Variants in MGAT5B observed in about 807,000 individuals in gnomAD.
MGAT5B encodes the protein alpha-1,6-mannosylglycoprotein 6-beta-N-acetylglucosaminyltransferase B, also known as N-acetylglucosaminyl-transferase Vb.
A neutral mutation model predicts 95.1 loss-of-function variants in MGAT5B; 54 were observed. The observed-to-expected ratio is 0.57, with a 90% CI of 0.46 to 0.71. The LOEUF (loss-of-function observed/expected upper bound fraction) is 0.71, where lower values mean the gene tolerates loss of function less well. MGAT5B is among the 30% of genes least tolerant of loss of function. The pLI is 0.00. For synonymous variants in MGAT5B, 464 were observed against 451.0 expected (o/e 1.03, Z -0.36); for missense variants, 935 against 1,088.6 (o/e 0.86, Z 1.99).
intron 8 of MGAT5B, among the ~76,000 whole-genome samples, chr17:76,920,074 G>C (rs1469553832): frequency 1.3e-5 from 2 of 152,052 alleles, no homozygotes; most frequent in African/African-American, 4.8e-5. Context: ...TCTGGCCTGG[G>C]GACACTCAGA....
intron 10 of MGAT5B, among the ~76,000 whole-genome samples, chr17:76,929,222 G>A (rs79034810): frequency 0.18 from 27,520 of 152,092 alleles, 2,787 homozygotes; most frequent in East Asian, 0.42. Context: ...GGCCAAAGAT[G>A]ATGAAGCAGG....
chr17:76,880,014 C>T (rs1004830124), intron 2 of MGAT5B, among the ~76,000 whole-genome samples: 4 of 152,120 alleles, frequency 2.6e-5, no homozygotes, highest in Non-Finnish European at 5.9e-5. Flanking sequence ...ATTTCCCGGT[C>T]CCAGCTGAGT....
intron 10 of MGAT5B, among the ~76,000 whole-genome samples, chr17:76,932,066 T>TTCCTCC (rs1358129738): frequency 1.5e-5 from 2 of 137,584 alleles, no homozygotes; most frequent in Non-Finnish European, 1.5e-5. Flanking sequence ...TCCTCCTTTT[T>TTCCTCC]TCCTCCTCCT....
chr17:76,911,623 T>A (rs192373100), intron 8 of MGAT5B, among the ~76,000 whole-genome samples: 8 of 152,330 alleles, frequency 5.3e-5, no homozygotes, highest in Admixed American at 5.2e-4. Flanking sequence ...GGGCATTGCA[T>A]TGGTCCCCAT....
At chr17:76,904,161 C>A in intron 5 of MGAT5B, 91 bp from the exon 6 acceptor site, 2 of 1,342,572 alleles carry the variant, frequency 1.5e-6, no homozygotes, top group Non-Finnish European at 2.0e-6. Context: ...CCATCCTTGA[C>A]CTCAGGACCC....
At position 76,916,424 on chromosome 17, in the gene MGAT5B, A is replaced by G. The variant is rs11651556; in HGVS notation, c.1026-8542A>G. On this transcript the variant is annotated intron_variant, in intron 8 of 17. Transcript: ENST00000569840. The surrounding 1 kb of genome is among the most constrained non-coding windows in gnomAD (Gnocchi z 5.3). ...TGGGGAGGGCTGCAAGGGAAGACTC[A>G]TGGAAATGACGTCGCTGGCCCTCAT... is the stretch of plus-strand genomic sequence containing the variant. 0.21 allele frequency among the ~76,000 whole-genome samples: 31,745 copies of G among 152,192 alleles called. 3,801 individuals carry two copies. The highest frequency in any genetic ancestry group is 0.5 in the East Asian group (2,567 of 5,152).
intron 2 of MGAT5B, among the ~76,000 whole-genome samples, chr17:76,878,920 A>C (rs888808289): frequency 5.9e-5 from 9 of 152,284 alleles, no homozygotes; most frequent in African/African-American, 1.9e-4. Context: ...CATGAGGGTA[A>C]ATTGAGGCCA....
rs1968883540 is a variant in MGAT5B at position 76,915,214 on chromosome 17, G to A, written c.1025+9027G>A. On this transcript the variant is annotated intron_variant, in intron 8 of 17. Transcript: ENST00000569840. The surrounding 1 kb of genome is among the most constrained non-coding windows in gnomAD (Gnocchi z 8.7). ...GGAGGTTGTGGACATAGGAGGGAGA[G>A]AGTATTGCTGGCAGTGGCTTCAGGG... Among the ~76,000 whole-genome samples, 1 of 152,168 alleles carries A rather than the reference G, an allele frequency of 6.6e-6. No individual in the cohort carries two copies. Among genetic ancestry groups the A allele is most frequent in the Admixed American group, 6.5e-5 (1 of 15,284 alleles).
At position 76,915,925 on chromosome 17, in the gene MGAT5B, G is replaced by A. The variant is rs150191495; in HGVS notation, c.1026-9041G>A. ...AGACACCTGACCCAAGTTGGCTGGC[G>A]GTCAGAACCCTTCCCCAGGAAATTC... On this transcript the variant is annotated intron_variant, in intron 8 of 17. Transcript: ENST00000569840. This position sits in a 1 kb window ranked among gnomAD's most constrained non-coding sequence, Gnocchi z 8.7. Among the ~76,000 whole-genome samples the A allele has an allele frequency of 9.8e-5, 15 of 152,330 alleles. No homozygotes were observed. Among genetic ancestry groups the A allele is most frequent in the South Asian group, 4.1e-4 (2 of 4,824 alleles).
intron 3 of MGAT5B, among the ~76,000 whole-genome samples, chr17:76,883,576 C>T (rs1348813976): frequency 6.6e-6 from 1 of 152,206 alleles, no homozygotes; most frequent in Non-Finnish European, 1.5e-5. Context: ...GCTGTCCCAA[C>T]TGGCCCCTAG....
chr17:76,911,093 T>C (rs905048690), intron 8 of MGAT5B, among the ~76,000 whole-genome samples: 1 of 152,198 alleles, frequency 6.6e-6, no homozygotes, highest in African/African-American at 2.4e-5. Flanking sequence ...TGAAGCACTT[T>C]AGAAACTTAC....
intron 16 of MGAT5B, among the ~76,000 whole-genome samples, chr17:76,947,013 G>A (rs893074215): frequency 1.3e-5 from 2 of 152,212 alleles, no homozygotes; most frequent in African/African-American, 4.8e-5. Flanking sequence ...TGAGGAGGAG[G>A]GCGTGCCCTA....
At chr17:76,927,760 C>T (rs1969360340) in intron 10 of MGAT5B, among the ~76,000 whole-genome samples, 1 of 152,236 alleles carries the variant, frequency 6.6e-6, no homozygotes, top group South Asian at 2.1e-4. Flanking sequence ...TTGGGAGGCT[C>T]TCAGCTGTCA....
chr17:76,947,254 C>A (rs144915396), intron 16 of MGAT5B, among the ~76,000 whole-genome samples: 1 of 152,312 alleles, frequency 6.6e-6, no homozygotes, highest in East Asian at 1.9e-4. Flanking sequence ...ATATTAGGGG[C>A]TGAGAGAGTC....
At position 76,904,299 on chromosome 17, in the gene MGAT5B, G is replaced by T; in HGVS notation, c.567G>T (p.Gly189=). 1 of 1,611,000 alleles carries T rather than the reference G, an allele frequency of 6.2e-7. No homozygotes were observed. Among genetic ancestry groups the T allele is most frequent in the Non-Finnish European group, 8.5e-7 (1 of 1,179,018 alleles). ...CTGACCCCTGCTACGCCTTCTTTGG[G>T]GTGGACGGCACCGAGTGCTCCTTCC... is the stretch of plus-strand genomic sequence containing the variant. The part of the protein sequence containing the change: ...WTSDPCYAFF[G]VDGTECSFLI... Residue 189 remains glycine (G), a synonymous_variant, in exon 6 of 18, where the codon GGG becomes GGT. Coordinates refer to ENST00000569840, the MANE Select transcript of MGAT5B (RefSeq NM_001199172.2).
rs1018862748 is a variant in MGAT5B, at chr17:76,869,160, G to C, written c.68+63G>C. 111 of 1,447,950 alleles carry C rather than the reference G, an allele frequency of 7.7e-5. No individual in the cohort carries two copies. Among genetic ancestry groups the C allele is most frequent in the Admixed American group, 1.2e-4 (7 of 59,626 alleles). The allele number at this position is 1,447,950 out of a possible 1,614,324, so 89.7% of individuals were successfully genotyped here. A position where few individuals can be genotyped will look rare whatever the true frequency, so the allele number is the denominator to read the frequency against. The stretch of plus-strand genomic sequence containing the variant: ...GCGCCGGGTGGAGGTGGGCGAGGTC[G>C]GTTCCTGCGAACGTTCAAGTCCTGG... On this transcript the variant is annotated intron_variant, in intron 1 of 17. Transcript: ENST00000569840. This position sits in a 1 kb window ranked among gnomAD's most constrained non-coding sequence, Gnocchi z 7.0.
intron 8 of MGAT5B, chr17:76,913,751 G>T (rs1598952692): frequency 4.1e-6 from 2 of 492,668 alleles, no homozygotes; most frequent in Non-Finnish European, 8.1e-6. Flanking sequence ...AGAAGGAGAT[G>T]TGGCCAGCAA....
intron 8 of MGAT5B, among the ~76,000 whole-genome samples, chr17:76,922,336 A>C (rs1408765266): frequency 1.3e-5 from 2 of 152,170 alleles, no homozygotes; most frequent in Non-Finnish European, 2.9e-5. Flanking sequence ...TTCTGCAAGG[A>C]AGGATACAGA....
At chr17:76,903,671 A>G (rs1026581288) in intron 5 of MGAT5B, among the ~76,000 whole-genome samples, 2 of 152,136 alleles carry the variant, frequency 1.3e-5, no homozygotes, top group Non-Finnish European at 2.9e-5. Context: ...TGGCCCAGCC[A>G]ACAGCTGGAC....
Sources: allele counts gnomAD v4.1 joint callset (sites outside exome capture counted in the v4.1 genomes callset), GRCh38; gene constraint gnomAD v4.1.1; non-coding constraint Gnocchi (gnomAD v3.1); transcripts MANE v1.5; gene names NCBI Gene and HGNC (gene_info 2026-07-23, HGNC 2026-07-21).